Variants in CHRNA6 observed in about 807,000 individuals in gnomAD.
The protein encoded by CHRNA6 is neuronal acetylcholine receptor subunit alpha-6.
CHRNA6 carries 31 observed loss-of-function variants against 40.9 expected under a neutral mutation model. That is an observed-to-expected ratio of 0.76 (90% CI 0.57 to 1.02). The LOEUF (loss-of-function observed/expected upper bound fraction) is 1.02, where lower values mean the gene tolerates loss of function less well. Ranked by LOEUF, CHRNA6 falls within the 50% of genes least tolerant of loss-of-function variation. The pLI is 0.00. For synonymous variants in CHRNA6, 222 were observed against 221.3 expected (o/e 1.00, Z -0.03); for missense variants, 546 against 596.6 (o/e 0.92, Z 0.88).
rs558773489 is a variant in CHRNA6 at position 42,768,685 on chromosome 8, G to C, written c.-255C>G. 1.0e-5 allele frequency: 4 copies of C among 383,422 alleles called. No individual in the cohort carries two copies. In the East Asian group the frequency reaches 1.6e-4, roughly 15 times the overall value. 23.8% of individuals were successfully genotyped at this position (383,422 alleles called of 1,614,324 possible). A position where few individuals can be genotyped will look rare whatever the true frequency, so the allele number is the denominator to read the frequency against. On this transcript the variant is annotated 5_prime_UTR_variant, in exon 1 of 6. The change creates a new upstream start codon in the 5' untranslated region. Transcript: ENST00000276410. ...AGTCATCACATTTCCTGACAGCCTA[G>C]ATGTCTCTTCATGCAAGAAAGGGGA...
chr8:42,754,393 C>T (rs1816762464), intron 5 of CHRNA6, among the ~76,000 whole-genome samples: 1 of 152,088 alleles, frequency 6.6e-6, no homozygotes, highest in Admixed American at 6.6e-5. Flanking sequence ...TGGTCTCAAA[C>T]TCCTGGCCTT....
intron 1 of CHRNA6, among the ~76,000 whole-genome samples, chr8:42,767,336 A>C (rs1816989872): frequency 6.6e-6 from 1 of 152,246 alleles, no homozygotes; most frequent in African/African-American, 2.4e-5. Flanking sequence ...AATTCTAGAC[A>C]ATAACTTTAT....
intron 2 of CHRNA6, among the ~76,000 whole-genome samples, chr8:42,760,592 G>A (rs1215515698): frequency 6.7e-6 from 1 of 148,960 alleles, no homozygotes; most frequent in African/African-American, 2.5e-5. Context: ...ACACACTGGT[G>A]CACATGCACA....
chr8:42,760,409 C>T (rs1164641744), intron 2 of CHRNA6, among the ~76,000 whole-genome samples: 1 of 151,952 alleles, frequency 6.6e-6, no homozygotes, highest in Non-Finnish European at 1.5e-5. Context: ...CACATTCGTA[C>T]TCTTATACGT....
chr8:42,756,450 G>C lies in CHRNA6; in HGVS notation c.749C>G (p.Pro250Arg). The change falls in exon 5 of 6, where the codon CCT becomes CGT. Residue 250 changes from proline to arginine, a missense_variant. By Grantham distance (103) the Pro-to-Arg change is moderately radical (BLOSUM62 -2). Around this residue, in one of 3 missense-constraint regions of CHRNA6, gnomAD observed 476 missense variants for 494.5 expected, o/e 0.96. Coordinates refer to ENST00000276410, the MANE Select transcript of CHRNA6 (RefSeq NM_004198.3). ...PMFYTINLIIPCLFISFLTVL... is the reference protein window; with the variant it reads ...PMFYTINLIIRCLFISFLTVL... ...GGTTAGAAATGAAATAAAGAGACAA[G>C]GGATGATCAGATTAATCGTGTAAAA... 2 of 1,614,212 alleles carry C rather than the reference G, an allele frequency of 1.2e-6. No homozygotes were observed. Among genetic ancestry groups the C allele is most frequent in the Non-Finnish European group, 1.7e-6 (2 of 1,180,030 alleles).
intron 5 of CHRNA6, 59 bp from the exon 6 acceptor site, chr8:42,753,369 C>G (rs1386140950): frequency 2.1e-6 from 3 of 1,456,494 alleles, no homozygotes; most frequent in Non-Finnish European, 1.9e-6. Flanking sequence ...AAGAAACATG[C>G]CTTGTTTCAT....
chr8:42,762,077 G>T (rs992533064), intron 2 of CHRNA6, among the ~76,000 whole-genome samples: 1 of 152,146 alleles, frequency 6.6e-6, no homozygotes. Context: ...TCCAGGTAGA[G>T]CCCTGGTGCT....
chr8:42,759,327 C>T (rs1816860258), intron 2 of CHRNA6: 1 of 524,090 alleles, frequency 1.9e-6, no homozygotes, highest in Admixed American at 3.1e-5. Context: ...GGCAATGTGG[C>T]TTTAAACTCT....
At chr8:42,753,377 C>CTT in intron 5 of CHRNA6, 67 bp from the exon 6 acceptor site, 2 of 1,371,148 alleles carry the variant, frequency 1.5e-6, no homozygotes, top group Non-Finnish European at 2.0e-6. Flanking sequence ...TGCCTTGTTT[C>CTT]ATCAATAAGC....
chr8:42,754,012 A>G (rs1816758256), intron 5 of CHRNA6, among the ~76,000 whole-genome samples: 1 of 152,026 alleles, frequency 6.6e-6, no homozygotes, highest in Admixed American at 6.6e-5. Context: ...ATTGAGAACC[A>G]CTTTATCAGG....
In CHRNA6 at chr8:42,768,605, G is replaced by T; in HGVS notation, c.-175C>A. On this transcript the variant is annotated 5_prime_UTR_variant, in exon 1 of 6. It adds an upstream start codon to the 5' untranslated region. Transcript: ENST00000276410. ...CTTCACACGGTTATTACCAGGATCA[G>T]AGACTGAGGCAGACATGAAGGGCGA... is the stretch of plus-strand genomic sequence containing the variant. 1.9e-6 allele frequency: 1 copy of T among 535,190 alleles called. No individual in the cohort carries two copies. 33.2% of individuals were successfully genotyped at this position (535,190 alleles called of 1,614,324 possible).
chr8:42,765,637 T>C (rs1816966232), intron 1 of CHRNA6, among the ~76,000 whole-genome samples: 1 of 151,848 alleles, frequency 6.6e-6, no homozygotes. Context: ...CTGAATCAAC[T>C]AAAATCTGTA....
chr8:42,766,551 T>C (rs1286176625), intron 1 of CHRNA6, among the ~76,000 whole-genome samples: 1 of 151,804 alleles, frequency 6.6e-6, no homozygotes, highest in East Asian at 1.9e-4. Context: ...TGCAATACTA[T>C]GCAACCATAA....
intron 2 of CHRNA6, among the ~76,000 whole-genome samples, chr8:42,763,169 C>T (rs576710032): frequency 1.3e-5 from 2 of 152,260 alleles, no homozygotes; most frequent in Admixed American, 1.3e-4. Context: ...GAAGAAGCCA[C>T]GTGAAAAGGG....
At chr8:42,757,160 G>C in intron 3 of CHRNA6, 123 bp from the exon 4 acceptor site, 1 of 673,936 alleles carries the variant, frequency 1.5e-6, no homozygotes, top group South Asian at 1.8e-5. Context: ...GAGGTCAGGA[G>C]GTCGAGACCA....
At chr8:42,760,300 G>A (rs1056362557) in intron 2 of CHRNA6, among the ~76,000 whole-genome samples, 2 of 147,626 alleles carry the variant, frequency 1.4e-5, no homozygotes, top group Admixed American at 6.7e-5. Flanking sequence ...CATATACACG[G>A]TACTCTCATA....
chr8:42,765,265 T>A lies in CHRNA6; in HGVS notation c.80-61A>T, dbSNP rs542461801. 2.5e-6 allele frequency: 4 copies of A among 1,572,468 alleles called. No individual in the cohort carries two copies. In the East Asian group the frequency reaches 9.0e-5, roughly 35 times the overall value. ...CCCGGCCACTGGCCACTGCAGCGATTCTAGGCAATTCTTCCCGGGCCCTGT... is the reference window on the plus strand; with the variant it reads ...CCCGGCCACTGGCCACTGCAGCGATACTAGGCAATTCTTCCCGGGCCCTGT... On this transcript the variant is annotated intron_variant, in intron 1 of 5. Transcript: ENST00000276410.
chr8:42,759,243 T>C (rs1246296897), intron 2 of CHRNA6, 130 bp from the exon 3 acceptor site: 4 of 692,350 alleles, frequency 5.8e-6, no homozygotes, highest in Non-Finnish European at 1.0e-5. Context: ...TTCAAGGCAA[T>C]GTGTGAAAGC....
intron 2 of CHRNA6, 163 bp from the exon 3 acceptor site, chr8:42,759,276 C>T: frequency 1.6e-6 from 1 of 607,940 alleles, no homozygotes; most frequent in Non-Finnish European, 3.0e-6. Context: ...AGCAGAAATG[C>T]CGCATTTTCA....
Sources: gnomAD v4.1 joint callset for allele counts (sites outside exome capture counted in the v4.1 genomes callset) on GRCh38, gnomAD v4.1.1 for gene constraint, gnomAD v4.1.1 regional missense constraint, MANE v1.5 for transcripts, NCBI Gene and HGNC (gene_info 2026-07-23, HGNC 2026-07-21) for gene names.